Variants in PLGRKT observed in about 807,000 individuals in gnomAD.
The protein encoded by PLGRKT is plasminogen receptor (KT).
A neutral mutation model predicts 18.5 loss-of-function variants in PLGRKT; 22 were observed. The observed-to-expected ratio is 1.19, with a 90% CI of 0.85 to 1.70. PLGRKT has a LOEUF of 1.70. PLGRKT is among the 40% of genes most tolerant of loss of function. The pLI, the probability that PLGRKT is intolerant of heterozygous loss-of-function variation, is 0.00. For synonymous variants in PLGRKT, 72 were observed against 52.8 expected (o/e 1.36, Z -1.58); for missense variants, 235 against 174.4 (o/e 1.35, Z -1.96).
intron 3 of PLGRKT, among the ~76,000 whole-genome samples, chr9:5,400,003 GAAATAAAT>G (rs992722096): frequency 6.6e-6 from 1 of 151,466 alleles, no homozygotes; most frequent in South Asian, 2.1e-4. Flanking sequence ...AAAAATAAAT[GAAATAAAT>G]AAATAAATAA....
intron 3 of PLGRKT, among the ~76,000 whole-genome samples, chr9:5,403,045 T>A (rs1376125801): frequency 1.3e-5 from 2 of 151,802 alleles, no homozygotes; most frequent in Non-Finnish European, 2.9e-5. Flanking sequence ...AGTGGAAGGC[T>A]GGGTAGAAAT....
intron 3 of PLGRKT, among the ~76,000 whole-genome samples, chr9:5,397,478 A>C (rs1265448149): frequency 6.6e-6 from 1 of 151,796 alleles, no homozygotes; most frequent in African/African-American, 2.4e-5. Context: ...TCTGTATCCC[A>C]ATCACCTTAG....
chr9:5,390,824 G>T (rs1817936993), intron 3 of PLGRKT, among the ~76,000 whole-genome samples: 2 of 151,842 alleles, frequency 1.3e-5, no homozygotes, highest in African/African-American at 4.9e-5. Context: ...GCTGCTTTTT[G>T]TATCTCCACT....
Position 5,358,331 on chromosome 9 carries a change from T to C in PLGRKT, c.352A>G (p.Lys118Glu). Residue 118 changes from lysine (K) to glutamate (E), a missense_variant, in exon 6 of 6, where the codon AAG (lysine) becomes GAG (glutamate). Lys to Glu is a moderately conservative substitution (Grantham distance 56, BLOSUM62 1). Transcript: ENST00000223864. Reference sequence around the variant, plus strand: ...CCTCTTGGCAGCTGCAATTTACTCTTTTCTGTTTCCAGTATGTCCTCAGCT... The same window carrying C: ...CCTCTTGGCAGCTGCAATTTACTCTCTTCTGTTTCCAGTATGTCCTCAGCT... ...GEAEDILETE[K>E]SKLQLPRGMI... The C allele has an allele frequency of 6.2e-7, 1 of 1,612,764 alleles. No homozygotes were observed. Among genetic ancestry groups the C allele is most frequent in the Non-Finnish European group, 8.5e-7 (1 of 1,178,978 alleles).
chr9:5,389,660 A>G (rs1417760326), intron 3 of PLGRKT, among the ~76,000 whole-genome samples: 1 of 151,862 alleles, frequency 6.6e-6, no homozygotes, highest in Non-Finnish European at 1.5e-5. Flanking sequence ...TTCGCAAATG[A>G]TTCACTGAAA....
At position 5,363,289 on chromosome 9, in the gene PLGRKT, G is replaced by C. The variant is rs143883538; in HGVS notation, c.82-1401C>G. ...ATGTTCCCTAAGGGCATGTGGCCAT[G>C]TTCCAGGCTGGCGTAACCATCATCG... On this transcript the variant is annotated intron_variant, in intron 3 of 5. Transcript: ENST00000223864. 1.9e-3 allele frequency among the ~76,000 whole-genome samples: 285 copies of C among 152,022 alleles called. 2 individuals carry two copies. In the East Asian group the frequency reaches 0.024, roughly 13 times the overall value.
intron 3 of PLGRKT, among the ~76,000 whole-genome samples, chr9:5,378,617 T>C (rs1817677856): frequency 6.6e-6 from 1 of 152,248 alleles, no homozygotes; most frequent in African/African-American, 2.4e-5. Flanking sequence ...ATGTTCAGTC[T>C]GTGTAAATTA....
rs1163286739 is a variant in PLGRKT, at chr9:5,358,266, T to C, written c.417A>G (p.Glu139=). The change falls in exon 6 of 6, where the codon GAA becomes GAG. Residue 139 remains glutamate (E), a synonymous_variant. Transcript: ENST00000223864. ...ATTTGTCTATGAAGAATCTACTCTG[T>C]TCCTTTCTGGCTTTTTCAATGCTTT... ...TFESIEKARK[E]QSRFFIDK is the part of the protein sequence containing the mutation. 3.1e-6 allele frequency: 5 copies of C among 1,610,174 alleles called. No individual in the cohort carries two copies. Among genetic ancestry groups the C allele is most frequent in the African/African-American group, 1.3e-5 (1 of 74,990 alleles).
chr9:5,375,222 T>C (rs1483963318), intron 3 of PLGRKT, among the ~76,000 whole-genome samples: 18 of 152,210 alleles, frequency 1.2e-4, no homozygotes, highest in Admixed American at 1.2e-3. Context: ...TGACTTCCTT[T>C]GCTGAAACTG....
At chr9:5,414,662 T>C (rs183805765) in intron 3 of PLGRKT, among the ~76,000 whole-genome samples, 1 of 152,322 alleles carries the variant, frequency 6.6e-6, no homozygotes, top group African/African-American at 2.4e-5. Flanking sequence ...AAACAATATT[T>C]TGACTGGATA....
Position 5,431,877 on chromosome 9 carries a change from T to G in PLGRKT, c.81+20A>C. Reference sequence around the variant, plus strand: ...TTAAGCATTGTAACAACATAATAGCTTAATTATTTTAAAACATACCTGAAG... The same window carrying G: ...TTAAGCATTGTAACAACATAATAGCGTAATTATTTTAAAACATACCTGAAG... On this transcript the variant is annotated intron_variant, in intron 3 of 5. Coordinates refer to ENST00000223864, the MANE Select transcript of PLGRKT (RefSeq NM_018465.4). The G allele has an allele frequency of 8.3e-7, 1 of 1,201,006 alleles. No homozygotes were observed. The allele number at this position is 1,201,006 out of a possible 1,614,324, so 74.4% of individuals were successfully genotyped here.
At chr9:5,383,815 C>T (rs2093457) in intron 3 of PLGRKT, among the ~76,000 whole-genome samples, 19,163 of 152,150 alleles carry the variant, frequency 0.13, 1,440 homozygotes, top group East Asian at 0.3. Context: ...CTGGGCAGTC[C>T]GGTTCCTAAT....
chr9:5,426,057 A>G (rs1818691796), intron 3 of PLGRKT, among the ~76,000 whole-genome samples: 1 of 152,216 alleles, frequency 6.6e-6, no homozygotes, highest in Non-Finnish European at 1.5e-5. Flanking sequence ...TTCATCTTTG[A>G]AGACCCTAAA....
At chr9:5,421,471 G>C (rs1818574235) in intron 3 of PLGRKT, among the ~76,000 whole-genome samples, 1 of 152,190 alleles carries the variant, frequency 6.6e-6, no homozygotes, top group African/African-American at 2.4e-5. Flanking sequence ...TGTTGCATGT[G>C]TTCCCACTGG....
At chr9:5,368,764 G>C (rs767837003) in intron 3 of PLGRKT, among the ~76,000 whole-genome samples, 1 of 152,106 alleles carries the variant, frequency 6.6e-6, no homozygotes, top group East Asian at 1.9e-4. Flanking sequence ...CGGATATATA[G>C]ACCAATGGAA....
At chr9:5,380,069 A>C (rs962820269) in intron 3 of PLGRKT, among the ~76,000 whole-genome samples, 1 of 152,222 alleles carries the variant, frequency 6.6e-6, no homozygotes, top group African/African-American at 2.4e-5. Context: ...GAACAATTTA[A>C]AACAAAAAGA....
intron 3 of PLGRKT, among the ~76,000 whole-genome samples, chr9:5,389,882 C>T (rs1817915263): frequency 6.6e-6 from 1 of 151,760 alleles, no homozygotes; most frequent in South Asian, 2.1e-4. Context: ...GAACTCCCAG[C>T]CAGAAAGCAC....
rs189048131 is a variant in PLGRKT at position 5,397,877 on chromosome 9, C to A, written c.81+34020G>T. On this transcript the variant is annotated intron_variant, in intron 3 of 5. Coordinates refer to ENST00000223864, the MANE Select transcript of PLGRKT (RefSeq NM_018465.4). Reference sequence around the variant, plus strand: ...CTCTTCTCTATCTCTAGCTTTGAGGCAGCCCTGAGAACGATGGTCACTTTC... The same window carrying A: ...CTCTTCTCTATCTCTAGCTTTGAGGAAGCCCTGAGAACGATGGTCACTTTC... 2.4e-3 allele frequency among the ~76,000 whole-genome samples: 365 copies of A among 152,060 alleles called. 11 individuals carry two copies. Among genetic ancestry groups the A allele is most frequent in the African/African-American group, 8.3e-3 (344 of 41,330 alleles).
At chr9:5,420,423 G>GA (rs1818552972) in intron 3 of PLGRKT, among the ~76,000 whole-genome samples, 1 of 152,030 alleles carries the variant, frequency 6.6e-6, no homozygotes, top group African/African-American at 2.4e-5. Context: ...TTTCACAAGT[G>GA]AAAAAAATTA....
Sources: allele counts gnomAD v4.1 joint callset (sites outside exome capture counted in the v4.1 genomes callset), GRCh38; gene constraint gnomAD v4.1.1; transcripts MANE v1.5; gene names NCBI Gene and HGNC (gene_info 2026-07-23, HGNC 2026-07-21).